QSOX1: variants seen among roughly 807,000 people sequenced by gnomAD.
QSOX1 encodes sulfhydryl oxidase 1.
Under a neutral mutation model 76.1 loss-of-function variants are expected in QSOX1, and 40 were observed. The ratio of observed to expected loss-of-function variants is 0.53; its 90% confidence interval spans 0.41 to 0.68. The LOEUF (loss-of-function observed/expected upper bound fraction) is 0.68, where lower values mean the gene tolerates loss of function less well. QSOX1 is among the 30% of genes least tolerant of loss of function. QSOX1 has a pLI of 0.00. For synonymous variants in QSOX1, 392 were observed against 413.1 expected (o/e 0.95, Z 0.62); for missense variants, 931 against 974.3 (o/e 0.96, Z 0.59).
intron 2 of QSOX1, among the ~76,000 whole-genome samples, chr1:180,171,586 A>G (rs973835943): frequency 1.3e-5 from 2 of 152,220 alleles, no homozygotes; most frequent in Non-Finnish European, 2.9e-5. Context: ...GAGAAATGAT[A>G]GGTTTGTTCA....
chr1:180,194,433 G>T, intron 11 of QSOX1, 41 bp downstream of exon 11: 2 of 1,498,212 alleles, frequency 1.3e-6, no homozygotes, highest in East Asian at 4.8e-5. Flanking sequence ...CACTTGTGGG[G>T]GACGAGGGGG....
chr1:180,168,386 C>T (rs1037660125), intron 2 of QSOX1, among the ~76,000 whole-genome samples: 18 of 152,246 alleles, frequency 1.2e-4, no homozygotes, highest in East Asian at 1.9e-4. Context: ...TGGCCTCCCC[C>T]GGCAAAGCCT....
rs1396624860 is a variant in QSOX1 at position 180,196,268 on chromosome 1, C to A, written c.1475C>A (p.Pro492His). ...TGTATGCTTCCCTCTGTAGGTGCCC[C>A]CAGCGAGGACCCCCAGTTCCCCAAG... ...NRVNARLAGA[P>H]SEDPQFPKVQ... The change falls in exon 12 of 12, where the codon CCC (proline) becomes CAC (histidine). Residue 492 changes from proline to histidine, a missense_variant. Physicochemically the swap from Pro to His is moderately conservative, Grantham distance 77. Transcript: ENST00000367602. The surrounding 1 kb of genome is among the most constrained non-coding windows in gnomAD (Gnocchi z 4.1). 11 of 1,610,152 alleles carry A rather than the reference C, an allele frequency of 6.8e-6. No homozygotes were observed. The Middle Eastern group carries it at 4.9e-4, about 72-fold the overall frequency.
Position 180,196,643 on chromosome 1 carries a change from C to A in QSOX1, c.1850C>A (p.Pro617Gln). ...PKLHPGLRAA[P>Q]GQEPPEHMAE... ...CTGCACCCTGGCCTCAGAGCTGCAC[C>A]AGGCCAGGAGCCTCCTGAGCACATG... is the stretch of plus-strand genomic sequence containing the variant. Residue 617 changes from proline to glutamine, a missense_variant, in exon 12 of 12, where the codon CCA becomes CAA. Pro to Gln is a moderately conservative substitution (Grantham distance 76, BLOSUM62 -1). Transcript: ENST00000367602. This position sits in a 1 kb window ranked among gnomAD's most constrained non-coding sequence, Gnocchi z 4.1. 6.2e-7 allele frequency: 1 copy of A among 1,614,168 alleles called. No homozygotes were observed. The highest frequency in any genetic ancestry group is 1.1e-5 in the South Asian group (1 of 91,088).
intron 5 of QSOX1, among the ~76,000 whole-genome samples, chr1:180,179,983 C>G (rs1243027220): frequency 6.6e-6 from 1 of 152,234 alleles, no homozygotes; most frequent in African/African-American, 2.4e-5. Flanking sequence ...CCACCACAGT[C>G]CTTGAGTACC....
Position 180,166,530 on chromosome 1 carries a change from C to G in QSOX1, c.305C>G (p.Ala102Gly), listed in dbSNP as rs1316513170. The G allele has an allele frequency of 2.5e-6, 4 of 1,614,030 alleles. No homozygotes were observed. The African/African-American group carries it at 5.3e-5, about 22-fold the overall frequency. ...PALYLAALDC[A>G]EETNSAVCRD... is the part of the protein sequence containing the mutation. ...CTGTATCTCGCCGCCCTGGACTGTG[C>G]TGAGGAGACCAACAGTGCAGTCTGC... The change falls in exon 2 of 12, where the codon GCT becomes GGT. Residue 102 changes from alanine to glycine, a missense_variant. Ala to Gly is a moderately conservative substitution (Grantham distance 60, BLOSUM62 0). Coordinates refer to ENST00000367602, the MANE Select transcript of QSOX1 (RefSeq NM_002826.5).
In QSOX1 at chr1:180,154,923, A is replaced by T; in HGVS notation, c.16A>T (p.Ser6Cys). The T allele has an allele frequency of 6.8e-7, 1 of 1,465,718 alleles. No individual in the cohort carries two copies. Among genetic ancestry groups the T allele is most frequent in the Non-Finnish European group, 8.9e-7 (1 of 1,117,364 alleles). 90.8% of individuals were successfully genotyped at this position (1,465,718 alleles called of 1,614,324 possible). Reference sequence around the variant, plus strand: ...AGCGCCGAGGATGAGGAGGTGCAACAGCGGCTCCGGGCCGCCGCCGTCGCT... The same window carrying T: ...AGCGCCGAGGATGAGGAGGTGCAACTGCGGCTCCGGGCCGCCGCCGTCGCT... MRRCN[S>C]GSGPPPSLLL... Residue 6 changes from serine to cysteine, a missense_variant, in exon 1 of 12, where the codon AGC becomes TGC. Ser to Cys is a moderately radical substitution (Grantham distance 112). Coordinates refer to ENST00000367602, the MANE Select transcript of QSOX1 (RefSeq NM_002826.5).
chr1:180,187,487 A>G (rs1663203399), intron 8 of QSOX1, among the ~76,000 whole-genome samples: 1 of 152,056 alleles, frequency 6.6e-6, no homozygotes, highest in Non-Finnish European at 1.5e-5. Context: ...CAGACACCCC[A>G]CCACCCTAGT....
chr1:180,164,909 C>T (rs150419278), intron 1 of QSOX1, among the ~76,000 whole-genome samples: 63 of 152,202 alleles, frequency 4.1e-4, no homozygotes, highest in African/African-American at 1.3e-3. Context: ...GAAGGCAAAG[C>T]AGGAGAGGAA....
chr1:180,177,349 G>A (rs61811815), intron 4 of QSOX1, among the ~76,000 whole-genome samples: 16,458 of 151,384 alleles, frequency 0.11, 1,212 homozygotes, highest in Middle Eastern at 0.19. Flanking sequence ...CACCTCCTGG[G>A]TTCAAGCAAT....
intron 1 of QSOX1, among the ~76,000 whole-genome samples, chr1:180,164,455 T>C (rs957662408): frequency 1.3e-5 from 2 of 151,858 alleles, no homozygotes; most frequent in African/African-American, 4.8e-5. Flanking sequence ...GTCCAGAAGC[T>C]ACAATGCCAA....
intron 4 of QSOX1, 91 bp downstream of exon 4, chr1:180,176,124 CCA>C: frequency 1.9e-6 from 2 of 1,056,632 alleles, no homozygotes; most frequent in Non-Finnish European, 2.8e-6. Flanking sequence ...GGCGGGGACC[CCA>C]GTTTATTTTC....
At chr1:180,180,810 C>T (rs1340843466) in intron 5 of QSOX1, among the ~76,000 whole-genome samples, 7 of 152,206 alleles carry the variant, frequency 4.6e-5, no homozygotes, top group Non-Finnish European at 1.0e-4. Context: ...CCACCACGCC[C>T]GGCCTGGGAG....
chr1:180,189,496 G>T, intron 8 of QSOX1, 56 bp from the exon 9 acceptor site: 1 of 1,431,188 alleles, frequency 7.0e-7, no homozygotes, highest in South Asian at 1.3e-5. Flanking sequence ...TCTGCAGGAC[G>T]GGGAACTTGG....
chr1:180,194,490 C>A, intron 11 of QSOX1, 98 bp downstream of exon 11: 1 of 1,185,166 alleles, frequency 8.4e-7, no homozygotes, highest in Non-Finnish European at 1.2e-6. Context: ...AAGGGACACT[C>A]ATTGTCCCCT....
chr1:180,186,931 T>C (rs568123268), intron 8 of QSOX1, among the ~76,000 whole-genome samples: 1 of 152,348 alleles, frequency 6.6e-6, no homozygotes, highest in African/African-American at 2.4e-5. Flanking sequence ...TTCCAGATCC[T>C]GGCCATTGCG....
At chr1:180,159,320 A>G (rs1185240343) in intron 1 of QSOX1, among the ~76,000 whole-genome samples, 2 of 152,242 alleles carry the variant, frequency 1.3e-5, no homozygotes, top group African/African-American at 2.4e-5. Context: ...GACACCTGAC[A>G]CTTCAAAAAG....
intron 1 of QSOX1, among the ~76,000 whole-genome samples, chr1:180,164,301 G>T (rs531768962): frequency 6.6e-6 from 1 of 152,178 alleles, no homozygotes; most frequent in African/African-American, 2.4e-5. Context: ...AGTGTGTGGT[G>T]GGGGGGTGTT....
At chr1:180,156,321 C>G (rs1662376230) in intron 1 of QSOX1, among the ~76,000 whole-genome samples, 2 of 152,196 alleles carry the variant, frequency 1.3e-5, no homozygotes, top group African/African-American at 4.8e-5. Context: ...GGAGTTACTT[C>G]CTGACTCTGG....
Sources: gnomAD v4.1 joint callset for allele counts (sites outside exome capture counted in the v4.1 genomes callset) on GRCh38, gnomAD v4.1.1 for gene constraint, Gnocchi (gnomAD v3.1) non-coding constraint, MANE v1.5 for transcripts, NCBI Gene and HGNC (gene_info 2026-07-23, HGNC 2026-07-21) for gene names.